Variants in FBXO10 observed in about 807,000 individuals in gnomAD.
FBXO10 encodes F-box protein 10.
In FBXO10, 39 loss-of-function variants were observed where a neutral mutation model predicts 80.7. That is an observed-to-expected ratio of 0.48 (90% CI 0.37 to 0.63). FBXO10 has a LOEUF of 0.63. Among genes scored for constraint, FBXO10 ranks in the 30% least tolerant of loss-of-function variants. The pLI is 0.00. For missense variants in FBXO10, 1,025 were observed against 1,269.0 expected, an observed-to-expected ratio of 0.81 and a Z score of 2.92; for synonymous variants, 449 against 489.6, an observed-to-expected ratio of 0.92 and a Z score of 1.09.
intron 1 of FBXO10, among the ~76,000 whole-genome samples, chr9:37,546,140 T>C (rs1412746461): frequency 2.0e-5 from 3 of 148,560 alleles, no homozygotes; most frequent in East Asian, 3.9e-4. Flanking sequence ...CAAAACTCCA[T>C]CTAAAAAAAA....
At position 37,516,011 on chromosome 9, in the gene FBXO10, C is replaced by G; in HGVS notation, c.2589G>C (p.Gln863His). Residue 863 changes from glutamine (Q) to histidine (H), a missense_variant, in exon 10 of 11, where the codon CAG (glutamine) becomes CAC (histidine). Physicochemically the swap from Gln to His is conservative, Grantham distance 24. Coordinates refer to ENST00000432825, the MANE Select transcript of FBXO10 (RefSeq NM_012166.3). ...AVRGRAKALV[Q>H]ENIIFQGKTS... ...TTTTGCCCTGGAAGATGATGTTTTC[C>G]TGCACCAGGGCCTTGGCACGGCCCC... is the stretch of plus-strand genomic sequence containing the variant. The G allele has an allele frequency of 6.2e-7, 1 of 1,614,046 alleles. No individual in the cohort carries two copies. The highest frequency in any genetic ancestry group is 8.5e-7 in the Non-Finnish European group (1 of 1,179,898).
At chr9:37,523,066 C>T (rs1028102977) in intron 6 of FBXO10, 89 bp from the exon 7 acceptor site, 23 of 1,468,636 alleles carry the variant, frequency 1.6e-5, no homozygotes, top group Non-Finnish European at 1.8e-5. Context: ...ATCAAGGCTA[C>T]TCCAGACCAG....
At chr9:37,563,739 C>G (rs1822536179) in intron 1 of FBXO10, among the ~76,000 whole-genome samples, 1 of 152,172 alleles carries the variant, frequency 6.6e-6, no homozygotes, top group African/African-American at 2.4e-5. Flanking sequence ...GCAGAAGAAA[C>G]TTCTAAACGA....
At chr9:37,521,039 A>T (rs1221523102) in intron 8 of FBXO10, among the ~76,000 whole-genome samples, 5 of 152,212 alleles carry the variant, frequency 3.3e-5, no homozygotes, top group Non-Finnish European at 5.9e-5. Flanking sequence ...TTGAAGTTCA[A>T]GTTAGTTTGG....
chr9:37,571,724 T>C (rs1302067459), intron 1 of FBXO10, among the ~76,000 whole-genome samples: 1 of 139,138 alleles, frequency 7.2e-6, no homozygotes, highest in Non-Finnish European at 1.5e-5. Context: ...CATATATATA[T>C]ATATATATAT....
At chr9:37,526,650 T>C (rs1821479218) in intron 5 of FBXO10, among the ~76,000 whole-genome samples, 1 of 151,990 alleles carries the variant, frequency 6.6e-6, no homozygotes, top group Non-Finnish European at 1.5e-5. Context: ...AGGGCTAAAA[T>C]CAAAGTGTCA....
Position 37,512,684 on chromosome 9 carries a change from G to T in FBXO10, c.2734C>A (p.Pro912Thr), listed in dbSNP as rs1228716617. 6.2e-7 allele frequency: 1 copy of T among 1,613,922 alleles called. No individual in the cohort carries two copies. Among genetic ancestry groups the T allele is most frequent in the Non-Finnish European group, 8.5e-7 (1 of 1,179,910 alleles). Residue 912 changes from proline (P) to threonine (T), a missense_variant, in exon 11 of 11, where the codon CCC becomes ACC. Coordinates refer to ENST00000432825, the MANE Select transcript of FBXO10 (RefSeq NM_012166.3). ...CGTCTGAGAGAATTTTCAAGGTGGG[G>T]CCGTGCTGGTGGGTTCACCAGGCGC... Reference protein sequence around the residue: ...TWRLVNPPARPHLENSLRRPS... With the variant: ...TWRLVNPPARTHLENSLRRPS...
chr9:37,560,729 C>T (rs1822457724), intron 1 of FBXO10, among the ~76,000 whole-genome samples: 1 of 152,044 alleles, frequency 6.6e-6, no homozygotes, highest in Non-Finnish European at 1.5e-5. Flanking sequence ...GTCCCCAGAG[C>T]CTGTGCACCT....
At chr9:37,512,766 A>G (rs1821095286) in intron 10 of FBXO10, 45 bp from the exon 11 acceptor site, 8 of 1,584,364 alleles carry the variant, frequency 5.0e-6, no homozygotes, top group Non-Finnish European at 6.0e-6. Flanking sequence ...AGGGGTGTGC[A>G]GTGCTGGCTG....
At position 37,531,922 on chromosome 9, in the gene FBXO10, T is replaced by A. The variant is rs374054465; in HGVS notation, c.1556A>T (p.Asn519Ile). ...EAGVDIRKKS[N>I]PLILCNQIHH... ...AACACAAAGTACCAGTATGAGTGGG[T>A]TGGACTTTTTCCGGATGTCTACACC... The change falls in exon 4 of 11, where the codon AAC becomes ATC. Residue 519 changes from asparagine (N) to isoleucine (I), a missense_variant. This residue lies in a region of FBXO10 where 478 missense variants were observed against 667.8 expected (regional missense o/e 0.72). Transcript: ENST00000432825. 142 of 1,613,712 alleles carry A rather than the reference T, an allele frequency of 8.8e-5. No individual in the cohort carries two copies. The highest frequency in any genetic ancestry group is 1.2e-4 in the Non-Finnish European group (139 of 1,179,794).
At chr9:37,546,772 C>T (rs1158932863) in intron 1 of FBXO10, among the ~76,000 whole-genome samples, 2 of 151,838 alleles carry the variant, frequency 1.3e-5, no homozygotes, top group African/African-American at 4.8e-5. Context: ...CCTCTGCCTC[C>T]CAGGTTCAAG....
At chr9:37,569,659 A>C (rs886758507) in intron 1 of FBXO10, among the ~76,000 whole-genome samples, 1 of 152,246 alleles carries the variant, frequency 6.6e-6, no homozygotes, top group Non-Finnish European at 1.5e-5. Context: ...AGTATCAAGA[A>C]ATTTCAAAGG....
Position 37,561,076 on chromosome 9 carries a change from G to A in FBXO10, c.-7+15135C>T, listed in dbSNP as rs188946322. Among the ~76,000 whole-genome samples, 477 of 152,112 alleles carry A rather than the reference G, an allele frequency of 3.1e-3. 3 individuals are homozygous for A. Among genetic ancestry groups the A allele is most frequent in the Middle Eastern group, 6.8e-3 (2 of 294 alleles). Reference sequence around the variant, plus strand: ...AGAATGGTGTGAACCCAGGAGGCGGGGCTTGCAGTGAGCCGAGATCGTGCC... The same window carrying A: ...AGAATGGTGTGAACCCAGGAGGCGGAGCTTGCAGTGAGCCGAGATCGTGCC... On this transcript the variant is annotated intron_variant, in intron 1 of 10. Transcript: ENST00000432825.
chr9:37,513,388 C>T (rs1425742875), intron 10 of FBXO10, among the ~76,000 whole-genome samples: 4 of 152,104 alleles, frequency 2.6e-5, no homozygotes, highest in Non-Finnish European at 4.4e-5. Context: ...TACCTAAATA[C>T]GCTTCAGCTG....
At chr9:37,564,897 C>T (rs187764376) in intron 1 of FBXO10, among the ~76,000 whole-genome samples, 1 of 152,272 alleles carries the variant, frequency 6.6e-6, no homozygotes, top group East Asian at 1.9e-4. Flanking sequence ...AAAGGAATGA[C>T]AGTGTTTTGA....
intron 1 of FBXO10, among the ~76,000 whole-genome samples, chr9:37,550,295 G>A (rs549585653): frequency 5.7e-5 from 8 of 140,832 alleles, no homozygotes; most frequent in East Asian, 2.3e-4. Context: ...TGATTGTTCC[G>A]CCTCAGCCTC....
In FBXO10 at chr9:37,556,282, C is replaced by T. The variant is rs141367784; in HGVS notation, c.-6-14508G>A. On this transcript the variant is annotated intron_variant, in intron 1 of 10. Coordinates refer to ENST00000432825, the MANE Select transcript of FBXO10 (RefSeq NM_012166.3). ...GGTATCAAGTTTAAGAACTTTTTAC[C>T]TAGCTCTAGATCCTAAAGATTTTTT... Among the ~76,000 whole-genome samples the T allele has an allele frequency of 4.4e-3, 669 of 151,678 alleles. 5 individuals carry two copies. The highest frequency in any genetic ancestry group is 0.015 in the African/African-American group (629 of 41,320).
intron 1 of FBXO10, among the ~76,000 whole-genome samples, chr9:37,542,032 T>G (rs1046449707): frequency 6.6e-6 from 1 of 151,830 alleles, no homozygotes; most frequent in Non-Finnish European, 1.5e-5. Context: ...TTTCTCCATG[T>G]TGGTCAGGCT....
intron 1 of FBXO10, among the ~76,000 whole-genome samples, chr9:37,561,450 G>A (rs1822480792): frequency 6.6e-6 from 1 of 152,160 alleles, no homozygotes. Context: ...GCCACCTGGT[G>A]TCCCCAGCCT....
Sources: allele counts gnomAD v4.1 joint callset (sites outside exome capture counted in the v4.1 genomes callset), GRCh38; gene constraint gnomAD v4.1.1; regional missense constraint gnomAD v4.1.1; transcripts MANE v1.5; gene names NCBI Gene and HGNC (gene_info 2026-07-23, HGNC 2026-07-21).